TAGLN2: variants seen among roughly 807,000 people sequenced by gnomAD.
The protein encoded by TAGLN2 is transgelin 2.
In TAGLN2, 14 loss-of-function variants were observed where a neutral mutation model predicts 24.9. The ratio of observed to expected loss-of-function variants is 0.56; its 90% CI spans 0.37 to 0.88. TAGLN2 has a LOEUF of 0.88. Among genes scored for constraint, TAGLN2 ranks in the 40% least tolerant of loss-of-function variants. TAGLN2 has a pLI of 0.00. For missense variants in TAGLN2, 208 were observed against 258.9 expected, an observed-to-expected ratio of 0.80 and a Z score of 1.35; for synonymous variants, 77 against 98.2, an observed-to-expected ratio of 0.78 and a Z score of 1.28.
chr1:159,919,751 G>C lies in TAGLN2; in HGVS notation c.265C>G (p.Gln89Glu). The change falls in exon 3 of 5, where the codon CAG becomes GAG. Residue 89 changes from glutamine to glutamate, a missense_variant. Gln to Glu is a conservative substitution (Grantham distance 29). Coordinates refer to ENST00000368097, the MANE Select transcript of TAGLN2 (RefSeq NM_003564.3). ...KIQASTMAFK[Q>E]MEQISQFLQA... ...AGGAACTGAGAGATCTGCTCCATCT[G>C]CTTGAAGGCCATGGTGGAGGCCTGG... 6.2e-7 allele frequency: 1 copy of C among 1,614,012 alleles called. No individual in the cohort carries two copies. The highest frequency in any genetic ancestry group is 8.5e-7 in the Non-Finnish European group (1 of 1,179,956).
chr1:159,922,511 G>A (rs575199009), intron 1 of TAGLN2, among the ~76,000 whole-genome samples: 18 of 152,270 alleles, frequency 1.2e-4, no homozygotes, highest in African/African-American at 4.1e-4. Context: ...GCCCTTCCCA[G>A]AGGCCACTCC....
intron 1 of TAGLN2, chr1:159,923,531 G>GTT: frequency 6.6e-7 from 1 of 1,511,950 alleles, no homozygotes; most frequent in Non-Finnish European, 8.9e-7. Flanking sequence ...GAAGACAAAG[G>GTT]GACTCTCCAT....
chr1:159,920,945 C>T (rs774248004), intron 1 of TAGLN2, among the ~76,000 whole-genome samples: 1 of 152,112 alleles, frequency 6.6e-6, no homozygotes, highest in Non-Finnish European at 1.5e-5. Flanking sequence ...TACATATGAA[C>T]AGGTAAGGAT....
chr1:159,923,423 G>A, intron 1 of TAGLN2: 2 of 1,549,628 alleles, frequency 1.3e-6, no homozygotes, highest in Non-Finnish European at 1.7e-6. Context: ...CAGACCCTGG[G>A]CTGGAAGCTT....
In TAGLN2 at chr1:159,918,715, C is replaced by T; in HGVS notation, c.*85G>A. 3 of 1,534,036 alleles carry T rather than the reference C, an allele frequency of 2.0e-6. No homozygotes were observed. Among genetic ancestry groups the T allele is most frequent in the Non-Finnish European group, 2.6e-6 (3 of 1,135,256 alleles). ...AGAAAGGAGCTTGAGAGCTCTGGGG[C>T]TCTCTGGGAATGTCACTGCTAAAAT... On this transcript the variant is annotated 3_prime_UTR_variant, in exon 5 of 5. Transcript: ENST00000368097.
intron 1 of TAGLN2, chr1:159,923,802 C>T (rs34128867): frequency 0.049 from 14,630 of 299,326 alleles, 741 homozygotes; most frequent in East Asian, 0.22. Flanking sequence ...AGGTGGGGGC[C>T]GTTGCCATGG....
intron 3 of TAGLN2, 52 bp from the exon 4 acceptor site, chr1:159,919,428 G>A (rs956248832): frequency 6.3e-7 from 1 of 1,575,684 alleles, no homozygotes; most frequent in Non-Finnish European, 8.7e-7. Flanking sequence ...TAGATACCAG[G>A]GTTCCGCCTC....
Position 159,918,779 on chromosome 1 carries a change from G to A in TAGLN2, c.*21C>T, listed in dbSNP as rs1393830646. 2.5e-6 allele frequency: 4 copies of A among 1,611,680 alleles called. No individual in the cohort carries two copies. In the South Asian group the frequency reaches 3.3e-5, roughly 13 times the overall value. On this transcript the variant is annotated 3_prime_UTR_variant, in exon 5 of 5. Transcript: ENST00000368097. ...TATATTAACCATTCGTGGGAGGGCA[G>A]GGGCAAGGCCTGGGGTGGGATCAGA...
At chr1:159,922,941 G>A (rs944731385) in intron 1 of TAGLN2, among the ~76,000 whole-genome samples, 1 of 152,258 alleles carries the variant, frequency 6.6e-6, no homozygotes, top group Admixed American at 6.5e-5. Context: ...CAGCTGCAGT[G>A]TATCTGCTCC....
At chr1:159,922,064 T>C (rs1650548565) in intron 1 of TAGLN2, among the ~76,000 whole-genome samples, 1 of 152,228 alleles carries the variant, frequency 6.6e-6, no homozygotes, top group Non-Finnish European at 1.5e-5. Context: ...CCAGGCCAGG[T>C]TGGCCTTCAG....
In TAGLN2 at chr1:159,919,282, C is replaced by G. The variant is rs1650443089; in HGVS notation, c.450G>C (p.Trp150Cys). 1.2e-6 allele frequency: 2 copies of G among 1,614,008 alleles called. No homozygotes were observed. Among genetic ancestry groups the G allele is most frequent in the Admixed American group, 1.7e-5 (1 of 60,004 alleles). Residue 150 changes from tryptophan to cysteine, a missense_variant, in exon 4 of 5, where the codon TGG becomes TGC. Coordinates refer to ENST00000368097, the MANE Select transcript of TAGLN2 (RefSeq NM_003564.3). ...GTCCCAGCAATACTTACTTAGGGAA[C>G]CAGTTGGGATCCCCAGAGAAGAGCC... ...DDGLFSGDPN[W>C]FPKKSKENPR... is the part of the protein sequence containing the mutation.
intron 3 of TAGLN2, 29 bp downstream of exon 3, chr1:159,919,632 A>G: frequency 6.2e-7 from 1 of 1,606,088 alleles, no homozygotes; most frequent in South Asian, 1.1e-5. Flanking sequence ...CTCCTGGATG[A>G]CAGGACCCAG....
intron 1 of TAGLN2, chr1:159,923,486 G>A: frequency 1.3e-6 from 2 of 1,549,390 alleles, no homozygotes; most frequent in South Asian, 1.2e-5. Context: ...GGGGCAGGGA[G>A]GACTTCAGGG....
At chr1:159,920,091 T>G (rs1449138937) in intron 2 of TAGLN2, 3 of 772,970 alleles carry the variant, frequency 3.9e-6, no homozygotes, top group Non-Finnish European at 6.7e-6. Context: ...GAGACATTCT[T>G]CCTCAGTGTC....
chr1:159,918,499 G>A lies in TAGLN2; in HGVS notation c.*301C>T, dbSNP rs1340392052. The A allele has an allele frequency of 8.9e-5, 29 of 327,634 alleles. No homozygotes were observed. The highest frequency in any genetic ancestry group is 1.5e-4 in the Non-Finnish European group (26 of 176,346). 20.3% of individuals were successfully genotyped at this position (327,634 alleles called of 1,614,324 possible). ...GACAGAACAGGCCAGGGGGAAGAAGGAGAGACAGAATAGGCCAGGGCATGG... is the reference window on the plus strand; with the variant it reads ...GACAGAACAGGCCAGGGGGAAGAAGAAGAGACAGAATAGGCCAGGGCATGG... On this transcript the variant is annotated 3_prime_UTR_variant, in exon 5 of 5. Coordinates refer to ENST00000368097, the MANE Select transcript of TAGLN2 (RefSeq NM_003564.3).
intron 1 of TAGLN2, 167 bp from the exon 2 acceptor site, chr1:159,920,704 A>G: frequency 1.1e-6 from 1 of 886,772 alleles, no homozygotes; most frequent in Non-Finnish European, 1.4e-6. Context: ...TAGCCCTGGG[A>G]AAGAGAATGA....
intron 1 of TAGLN2, chr1:159,924,912 G>C (rs1274355275): frequency 6.6e-6 from 1 of 152,360 alleles, no homozygotes; most frequent in Non-Finnish European, 1.5e-5. Flanking sequence ...GACCCATGCA[G>C]AGCCCCCTAG....
chr1:159,923,692 C>A, intron 1 of TAGLN2: 1 of 463,124 alleles, frequency 2.2e-6, no homozygotes. Context: ...TTAAGGGAAC[C>A]ACCGTAGGGC....
At position 159,918,911 on chromosome 1, in the gene TAGLN2, C is replaced by A. The variant is rs11556955; in HGVS notation, c.489G>T (p.Ser163=). The A allele has an allele frequency of 3.7e-6, 6 of 1,614,062 alleles. No homozygotes were observed. In the South Asian group the frequency reaches 4.4e-5, roughly 12 times the overall value. Residue 163 remains serine, a synonymous_variant, in exon 5 of 5, where the codon TCG becomes TCT. Transcript: ENST00000368097. ...TCTTGCCCTCTTGCAGCTGGTTATC[C>A]GAGAAGTTCCGAGGATTCTCCTTGG... ...KKSKENPRNF[S]DNQLQEGKNV...
Sources: gnomAD v4.1 joint callset for allele counts (sites outside exome capture counted in the v4.1 genomes callset) on GRCh38, gnomAD v4.1.1 for gene constraint, MANE v1.5 for transcripts, NCBI Gene and HGNC (gene_info 2026-07-23, HGNC 2026-07-21) for gene names.